Variants in UCKL1 observed in about 807,000 individuals in gnomAD.
The protein encoded by UCKL1 is uridine-cytidine kinase 1 like 1.
A neutral mutation model predicts 59.2 loss-of-function variants in UCKL1; 65 were observed. The ratio of observed to expected loss-of-function variants is 1.10; its 90% CI spans 0.90 to 1.35. UCKL1 has a LOEUF of 1.35. UCKL1 is among the 40% of genes most tolerant of loss of function. UCKL1 has a pLI of 0.00. For synonymous variants in UCKL1, 410 were observed against 323.1 expected, an observed-to-expected ratio of 1.27 and a Z score of -2.88; for missense variants, 703 against 784.3, an observed-to-expected ratio of 0.90 and a Z score of 1.24.
In UCKL1 at chr20:63,940,850, C is replaced by T. The variant is rs769959247; in HGVS notation, c.1123G>A (p.Val375Ile). The T allele has an allele frequency of 5.2e-6, 8 of 1,548,576 alleles. No individual in the cohort carries two copies. Among genetic ancestry groups the T allele is most frequent in the East Asian group, 2.3e-5 (1 of 44,308 alleles). The part of the protein sequence containing the change: ...ALSFLPFQDC[V>I]VQTPQGQDYA... The stretch of plus-strand genomic sequence containing the variant: ...TCCTGCCCCTGCGGGGTCTGTACGA[C>T]GCAGTCCTGTGGGGTGCAGGGTGAG... The change falls in exon 11 of 15, where the codon GTC becomes ATC. Residue 375 changes from valine (V) to isoleucine (I), a missense_variant. By Grantham distance (29) the Val-to-Ile change is conservative (BLOSUM62 3). Coordinates refer to ENST00000354216, the MANE Select transcript of UCKL1 (RefSeq NM_017859.4).
In UCKL1 at chr20:63,946,266, G is replaced by GC. The variant is rs1172336533; in HGVS notation, c.305dup (p.Gly105ArgfsTer37). Reference sequence around the variant, plus strand: ...TCCCAGAGGCACTGCCGCCTCCCAAGCCTGCCGGCGGGAGTGGAGACCCTC... The same window carrying GC: ...TCCCAGAGGCACTGCCGCCTCCCAAGCCCTGCCGGCGGGAGTGGAGACCCTC... On this transcript the variant is annotated frameshift_variant and splice_region_variant, in exon 3 of 15. Coordinates refer to ENST00000354216, the MANE Select transcript of UCKL1 (RefSeq NM_017859.4). LOFTEE classifies it high-confidence loss of function. 1.9e-6 allele frequency: 3 copies of GC among 1,586,038 alleles called. No individual in the cohort carries two copies. The highest frequency in any genetic ancestry group is 1.1e-5 in the South Asian group (1 of 87,748).
intron 1 of UCKL1, among the ~76,000 whole-genome samples, chr20:63,947,487 C>T (rs1286772999): frequency 6.6e-6 from 1 of 152,310 alleles, no homozygotes; most frequent in South Asian, 2.1e-4. Flanking sequence ...AGGGTGAGGT[C>T]CCCAGACAGG....
intron 1 of UCKL1, 141 bp from the exon 2 acceptor site, chr20:63,946,784 G>T: frequency 1.2e-6 from 1 of 848,452 alleles, no homozygotes; most frequent in Non-Finnish European, 1.8e-6. Flanking sequence ...GGGTACATAA[G>T]AACTCTGCCT....
At chr20:63,947,814 A>C (rs1368116429) in intron 1 of UCKL1, among the ~76,000 whole-genome samples, 1 of 152,218 alleles carries the variant, frequency 6.6e-6, no homozygotes, top group Non-Finnish European at 1.5e-5. Flanking sequence ...CAACGGGAGG[A>C]AGACACAGGC....
chr20:63,945,789 C>T lies in UCKL1; in HGVS notation c.582+16G>A, dbSNP rs763116185. On this transcript the variant is annotated intron_variant, in intron 4 of 14. Coordinates refer to ENST00000354216, the MANE Select transcript of UCKL1 (RefSeq NM_017859.4). ...CTGCAGCCCCCCGAGGCCCCCTCTGCAGGGCCCTGGCCTACCCAGTCCTTC... is the reference window on the plus strand; with the variant it reads ...CTGCAGCCCCCCGAGGCCCCCTCTGTAGGGCCCTGGCCTACCCAGTCCTTC... 4.3e-6 allele frequency: 7 copies of T among 1,613,300 alleles called. No homozygotes were observed. The highest frequency in any genetic ancestry group is 4.2e-6 in the Non-Finnish European group (5 of 1,179,822).
intron 1 of UCKL1, 135 bp downstream of exon 1, chr20:63,956,125 G>A (rs1208364005): frequency 4.6e-6 from 4 of 870,306 alleles, no homozygotes; most frequent in South Asian, 2.2e-5. Context: ...GCACGTGGGA[G>A]AACGGGGCGC....
At position 63,946,315 on chromosome 20, in the gene UCKL1, G is replaced by C. The variant is rs775125690; in HGVS notation, c.305-48C>G. 4.5e-6 allele frequency: 7 copies of C among 1,550,160 alleles called. No individual in the cohort carries two copies. The South Asian group carries it at 8.2e-5, about 18-fold the overall frequency. ...TCTGTGAGGAACAGGCAGGCTGCCGGCACAGATAGGTCCCAGAGGTGCCCA... is the reference window on the plus strand; with the variant it reads ...TCTGTGAGGAACAGGCAGGCTGCCGCCACAGATAGGTCCCAGAGGTGCCCA... On this transcript the variant is annotated intron_variant, in intron 2 of 14. Transcript: ENST00000354216.
At chr20:63,948,580 T>TGTGTGTGAGAGGGAGGGGC (rs2056920833) in intron 1 of UCKL1, 1 of 12,604 alleles carries the variant, frequency 7.9e-5, no homozygotes, top group Non-Finnish European at 1.7e-4. Context: ...AGGGAGGGGA[T>TGTGTGTGAGAGGGAGGGGC]GTGTGTGAGA....
Position 63,940,810 on chromosome 20 carries a change from C to A in UCKL1, c.1163G>T (p.Cys388Phe). The A allele has an allele frequency of 6.3e-7, 1 of 1,579,218 alleles. No individual in the cohort carries two copies. The highest frequency in any genetic ancestry group is 8.6e-7 in the Non-Finnish European group (1 of 1,164,264). ...GGCAGGTACCTGCTTCCCCGCATAG[C>A]ACTTGCCCGCATAGTCCTGCCCCTG... Reference protein sequence around the residue: ...TPQGQDYAGKCYAGKQITGVS... With the variant: ...TPQGQDYAGKFYAGKQITGVS... The change falls in exon 11 of 15, where the codon TGC becomes TTC. Residue 388 changes from cysteine to phenylalanine, a missense_variant. Cys to Phe is a radical substitution (Grantham distance 205, BLOSUM62 -2). Transcript: ENST00000354216.
chr20:63,952,215 C>T (rs1397493375), intron 1 of UCKL1, among the ~76,000 whole-genome samples: 1 of 152,226 alleles, frequency 6.6e-6, no homozygotes, highest in Admixed American at 6.5e-5. Context: ...AGAGTCCGGG[C>T]TCCTGGGGGC....
At chr20:63,955,953 G>T (rs1381461826) in intron 1 of UCKL1, 2 of 263,562 alleles carry the variant, frequency 7.6e-6, no homozygotes, top group Non-Finnish European at 1.5e-5. Context: ...CAGGCACACA[G>T]CCCGCCGGGC....
At chr20:63,944,372 C>T (rs527561890) in intron 7 of UCKL1, 25 bp downstream of exon 7, 45 of 1,523,200 alleles carry the variant, frequency 3.0e-5, no homozygotes, top group South Asian at 1.9e-4. Context: ...GGGGCTAGGC[C>T]GTGGGGACGT....
At position 63,946,591 on chromosome 20, in the gene UCKL1, A is replaced by G. The variant is rs1188865067; in HGVS notation, c.166T>C (p.Ser56Pro). 8 of 1,611,098 alleles carry G rather than the reference A, an allele frequency of 5.0e-6. No homozygotes were observed. Among genetic ancestry groups the G allele is most frequent in the South Asian group, 1.1e-5 (1 of 91,058 alleles). Residue 56 changes from serine (S) to proline (P), a missense_variant, in exon 2 of 15, where the codon TCT (serine) becomes CCT (proline). Ser to Pro is a moderately conservative substitution (Grantham distance 74). This residue lies in a region of UCKL1 where 398 missense variants were observed against 373.0 expected (regional missense o/e 1.07). Transcript: ENST00000354216. Reference protein sequence around the residue: ...RLLPPVGTGRSPRKRTTSQCK... With the variant: ...RLLPPVGTGRPPRKRTTSQCK... The stretch of plus-strand genomic sequence containing the variant: ...TGGCTGGTGGTCCGCTTCCGGGGAG[A>G]GCGCCCAGTGCCCACAGGTGGCAGG...
chr20:63,956,076 C>T (rs1385565106), intron 1 of UCKL1, 184 bp downstream of exon 1: 3 of 516,450 alleles, frequency 5.8e-6, no homozygotes, highest in Admixed American at 4.5e-5. Flanking sequence ...GGGCCAGGTC[C>T]GTCCTCCCGG....
chr20:63,948,301 A>T (rs949526094), intron 1 of UCKL1: 2 of 152,008 alleles, frequency 1.3e-5, no homozygotes, highest in Non-Finnish European at 2.9e-5. Context: ...AGCTCCGCAA[A>T]CGGCAGGACC....
chr20:63,940,616 T>C lies in UCKL1; in HGVS notation c.1280A>G (p.Asn427Ser), dbSNP rs2054118765. Residue 427 changes from asparagine (N) to serine (S), a missense_variant, in exon 12 of 15, where the codon AAC becomes AGC. Around this residue, in one of 4 missense-constraint regions of UCKL1, gnomAD observed 25 missense variants for 64.5 expected, o/e 0.39. Transcript: ENST00000354216. ...CACCTCGGGCTCCCCGGTAAGCTGG[T>C]TGGTCTGGATGAGGATGGTGCCGAT... is the stretch of plus-strand genomic sequence containing the variant. ...VRIGTILIQTNQLTGEPELHY... is the reference protein window; with the variant it reads ...VRIGTILIQTSQLTGEPELHY... 4 of 1,609,424 alleles carry C rather than the reference T, an allele frequency of 2.5e-6. No individual in the cohort carries two copies. Among genetic ancestry groups the C allele is most frequent in the Non-Finnish European group, 3.4e-6 (4 of 1,179,640 alleles).
intron 1 of UCKL1, among the ~76,000 whole-genome samples, chr20:63,948,042 G>GCT (rs1323983145): frequency 1.3e-5 from 2 of 152,234 alleles, no homozygotes; most frequent in Non-Finnish European, 2.9e-5. Context: ...GTTCTGAGAG[G>GCT]CTCAGATGCA....
At chr20:63,948,340 AGTCT>A (rs1453859847) in intron 1 of UCKL1, 2 of 152,054 alleles carry the variant, frequency 1.3e-5, no homozygotes, top group Non-Finnish European at 2.9e-5. Flanking sequence ...GCAGCGGCAC[AGTCT>A]GTCCACCGCG....
intron 14 of UCKL1, 41 bp downstream of exon 14, chr20:63,940,109 C>T: frequency 1.2e-6 from 2 of 1,612,144 alleles, no homozygotes; most frequent in South Asian, 1.1e-5. Context: ...GGGCCACCCA[C>T]CCTGCCCTCA....
Sources: allele counts gnomAD v4.1 joint callset (sites outside exome capture counted in the v4.1 genomes callset), GRCh38; gene constraint gnomAD v4.1.1; regional missense constraint gnomAD v4.1.1; transcripts MANE v1.5; gene names NCBI Gene and HGNC (gene_info 2026-07-23, HGNC 2026-07-21).